Variants in SYN1 observed in about 807,000 individuals in gnomAD.
SYN1 encodes the protein synapsin-1.
A neutral mutation model predicts 44.6 loss-of-function variants in SYN1; 8 were observed. The ratio of observed to expected loss-of-function variants is 0.18; its 90% CI spans 0.11 to 0.32. The LOEUF is 0.32. Among genes scored for constraint, SYN1 ranks in the 10% least tolerant of loss-of-function variants. The probability of loss-of-function intolerance (pLI) is 1.00; values close to 1 mark genes in which losing one functional copy is unlikely to be tolerated. For synonymous variants in SYN1, 275 were observed against 280.1 expected (o/e 0.98, Z 0.18); for missense variants, 451 against 639.4 (o/e 0.71, Z 3.18).
intron 3 of SYN1, among the ~76,000 whole-genome samples, chrX:47,606,247 G>A (rs569032062): frequency 6.6e-4 from 71 of 108,273 alleles, no homozygotes; most frequent in South Asian, 6.1e-3. Flanking sequence ...TGTGTATTGT[G>A]TGTATCTCAC....
At chrX:47,603,394 G>A (rs893241206) in intron 5 of SYN1, among the ~76,000 whole-genome samples, 2 of 110,574 alleles carry the variant, frequency 1.8e-5, no homozygotes, top group South Asian at 7.5e-4. Flanking sequence ...ATGGGGTCTC[G>A]CTATGTTGCC....
intron 5 of SYN1, chrX:47,583,505 C>G: frequency 8.3e-7 from 1 of 1,203,303 alleles, no homozygotes; most frequent in Non-Finnish European, 1.1e-6. Flanking sequence ...TCCCACCCCA[C>G]CCACAGACGG....
At chrX:47,583,280 C>A (rs1482396343) in intron 5 of SYN1, 3 of 454,994 alleles carry the variant, frequency 6.6e-6, no homozygotes, top group African/African-American at 4.9e-5. Context: ...GCTTACCAAC[C>A]CCTCAAGCCC....
intron 3 of SYN1, among the ~76,000 whole-genome samples, chrX:47,605,902 T>C (rs1162032712): frequency 9.6e-6 from 1 of 104,283 alleles, no homozygotes; most frequent in Non-Finnish European, 2.0e-5. Context: ...TATTTTTTTC[T>C]TTTTTTTTTT....
Position 47,619,377 on chromosome X carries a change from C to T in SYN1, c.352G>A (p.Val118Ile), listed in dbSNP as rs768083957. 6 of 1,196,955 alleles carry T rather than the reference C, an allele frequency of 5.0e-6. No homozygotes were observed. The highest frequency in any genetic ancestry group is 5.6e-6 in the Non-Finnish European group (5 of 892,938). Reference protein sequence around the residue: ...RGGAASRVLLVIDEPHTDWAK... With the variant: ...RGGAASRVLLIIDEPHTDWAK... Reference sequence around the variant, plus strand: ...CAGTCGGTGTGCGGCTCGTCGATGACCAGCAGCACCCTGGAGGCGGCTCCC... The same window carrying T: ...CAGTCGGTGTGCGGCTCGTCGATGATCAGCAGCACCCTGGAGGCGGCTCCC... The change falls in exon 1 of 13, where the codon GTC becomes ATC. Residue 118 changes from valine to isoleucine, a missense_variant. By Grantham distance (29) the Val-to-Ile change is conservative. Around this residue, in one of 3 missense-constraint regions of SYN1, gnomAD observed 315 missense variants for 451.4 expected, o/e 0.70. Transcript: ENST00000295987.
rs1049183696 is a variant in SYN1, at chrX:47,575,149, A to G, written c.1284T>C (p.Pro428=). 1.7e-6 allele frequency: 2 copies of G among 1,189,527 alleles called. No individual in the cohort carries two copies. Among genetic ancestry groups the G allele is most frequent in the South Asian group, 1.8e-5 (1 of 54,062 alleles). The change falls in exon 10 of 13, where the codon CCT becomes CCC. Residue 428 remains proline (P), a synonymous_variant. Transcript: ENST00000295987. The stretch of plus-strand genomic sequence containing the variant: ...TGACCTGGCCATGGGAGCCCCTGCC[A>G]GGGGAGGCATCCCGCTGTCGCTGCC... ...LPRQRQRDAS[P]GRGSHGQTPS... is the part of the protein sequence containing the mutation.
intron 1 of SYN1, among the ~76,000 whole-genome samples, chrX:47,613,725 A>G (rs2057923405): frequency 9.0e-6 from 1 of 111,355 alleles, no homozygotes; most frequent in South Asian, 3.8e-4. Context: ...GAATTAACTG[A>G]TGGTATTACA....
At chrX:47,579,053 C>G (rs1237751003) in intron 5 of SYN1, among the ~76,000 whole-genome samples, 1 of 111,657 alleles carries the variant, frequency 9.0e-6, no homozygotes, top group Non-Finnish European at 1.9e-5. Flanking sequence ...ATAATGCACT[C>G]AGTTACATAT....
At chrX:47,578,543 A>G (rs1204579186) in intron 5 of SYN1, among the ~76,000 whole-genome samples, 1 of 111,748 alleles carries the variant, frequency 8.9e-6, no homozygotes, top group East Asian at 2.8e-4. Context: ...AGAGACACCC[A>G]CAACTCAGTT....
chrX:47,605,101 C>T (rs761871154), intron 4 of SYN1, 34 bp from the exon 5 acceptor site: 16 of 1,200,175 alleles, frequency 1.3e-5, no homozygotes, highest in Non-Finnish European at 1.8e-5. Flanking sequence ...TCAGTGAGTC[C>T]TTCACCACGA....
intron 5 of SYN1, among the ~76,000 whole-genome samples, chrX:47,579,816 T>C (rs1360863894): frequency 9.2e-6 from 1 of 109,016 alleles, no homozygotes; most frequent in Admixed American, 9.8e-5. Context: ...TACAGATTTT[T>C]TTGGTTTACT....
intron 5 of SYN1, among the ~76,000 whole-genome samples, chrX:47,602,610 C>A (rs1286566960): frequency 1.8e-5 from 2 of 109,926 alleles, no homozygotes; most frequent in Non-Finnish European, 3.8e-5. Context: ...CCACTGCACT[C>A]CAGCCTGGCG....
Position 47,574,024 on chromosome X carries a change from C to T in SYN1, c.1960G>A (p.Gly654Arg). 1 of 1,148,889 alleles carries T rather than the reference C, an allele frequency of 8.7e-7. No homozygotes were observed. Among genetic ancestry groups the T allele is most frequent in the Non-Finnish European group, 1.2e-6 (1 of 869,200 alleles). 94.7% of individuals were successfully genotyped at this position (1,148,889 alleles called of 1,213,427 possible). A position where few individuals can be genotyped will look rare whatever the true frequency, so the allele number is the denominator to read the frequency against. ...TACTTGAGCTGGGGGTGCGGAGGTC[C>T]CCCTGCAGCGGCGGTGGCGGGTGGC... ...VPPPATAAAG[G>R]PPHPQLNKSQ... The change falls in exon 12 of 13, where the codon GGA (glycine) becomes AGA (arginine). Residue 654 changes from glycine (G) to arginine (R), a missense_variant. Physicochemically the swap from Gly to Arg is moderately radical, Grantham distance 125. This residue lies in a region of SYN1 where 127 missense variants were observed against 154.8 expected (regional missense o/e 0.82). Transcript: ENST00000295987.
At chrX:47,609,415 G>A (rs1419411432) in intron 1 of SYN1, among the ~76,000 whole-genome samples, 3 of 112,085 alleles carry the variant, frequency 2.7e-5, no homozygotes, top group Non-Finnish European at 3.8e-5. Context: ...CAGCCCCAGG[G>A]CTCCCCCTAA....
intron 5 of SYN1, among the ~76,000 whole-genome samples, chrX:47,593,184 G>A (rs1312102752): frequency 9.2e-6 from 1 of 108,941 alleles, no homozygotes; most frequent in Non-Finnish European, 1.9e-5. Context: ...GTAAGCCACC[G>A]TGCTCACCCT....
At chrX:47,609,603 C>G (rs1382929598) in intron 1 of SYN1, among the ~76,000 whole-genome samples, 1 of 112,420 alleles carries the variant, frequency 8.9e-6, no homozygotes, top group African/African-American at 3.2e-5. Flanking sequence ...CCATGGAAGT[C>G]AAACTACAAG....
Position 47,580,354 on chromosome X carries a change from G to C in SYN1, c.775-2853C>G, listed in dbSNP as rs147093108. On this transcript the variant is annotated intron_variant, in intron 5 of 12. Transcript: ENST00000295987. The stretch of plus-strand genomic sequence containing the variant: ...TTTCTTAAAAAATAGATTTAGGCTG[G>C]GTGCCGTAGCTCACGCATGTAATCG... 6.3e-4 allele frequency among the ~76,000 whole-genome samples: 69 copies of C among 109,220 alleles called. 1 individual carries two copies. The East Asian group carries it at 0.019, about 30-fold the overall frequency. 94.8% of individuals were successfully genotyped at this position (109,220 alleles called of 115,157 possible).
chrX:47,619,240 T>A (rs936963558), intron 1 of SYN1, 112 bp downstream of exon 1: 887 of 1,077,483 alleles, frequency 8.2e-4, no homozygotes, highest in Non-Finnish European at 9.6e-4. Flanking sequence ...GAAAAAGATT[T>A]AGGTGAGAGG....
At chrX:47,584,927 C>T in intron 5 of SYN1, 1 of 1,207,274 alleles carries the variant, frequency 8.3e-7, no homozygotes, top group South Asian at 1.8e-5. Flanking sequence ...TTTCCCTCCT[C>T]TCCTGCAGTC....
Sources: gnomAD v4.1 joint callset for allele counts (sites outside exome capture counted in the v4.1 genomes callset) on GRCh38, gnomAD v4.1.1 for gene constraint, gnomAD v4.1.1 regional missense constraint, MANE v1.5 for transcripts, NCBI Gene and HGNC (gene_info 2026-07-23, HGNC 2026-07-21) for gene names.